DNM3: variants seen among roughly 807,000 people sequenced by gnomAD.
The protein encoded by DNM3 is dynamin 3, also known as dynamin-3.
DNM3 carries 47 observed loss-of-function variants against 101.6 expected under a neutral mutation model. The observed-to-expected ratio is 0.46, with a 90% CI of 0.37 to 0.59. The LOEUF (loss-of-function observed/expected upper bound fraction) is 0.59. Among genes scored for constraint, DNM3 ranks in the 20% least tolerant of loss-of-function variants. The pLI is 0.00. For missense variants in DNM3, 849 were observed against 1,085.7 expected, an observed-to-expected ratio of 0.78 and a Z score of 3.06; for synonymous variants, 385 against 387.9, an observed-to-expected ratio of 0.99 and a Z score of 0.09.
chr1:172,186,700 T>C (rs1260935909), intron 14 of DNM3, among the ~76,000 whole-genome samples: 4 of 152,118 alleles, frequency 2.6e-5, no homozygotes, highest in African/African-American at 9.7e-5. Context: ...CAATTGGTGA[T>C]AGAAAGTTTT....
chr1:171,930,805 C>T (rs1558283890), intron 2 of DNM3, among the ~76,000 whole-genome samples: 3 of 152,208 alleles, frequency 2.0e-5, no homozygotes, highest in Non-Finnish European at 2.9e-5. Flanking sequence ...CCCTTCTGTG[C>T]CTCTCCATGA....
At chr1:172,005,188 A>G (rs1453425704) in intron 4 of DNM3, among the ~76,000 whole-genome samples, 1 of 152,054 alleles carries the variant, frequency 6.6e-6, no homozygotes, top group East Asian at 1.9e-4. Flanking sequence ...GTAAAATGGA[A>G]TAATAATAAT....
intron 14 of DNM3, among the ~76,000 whole-genome samples, chr1:172,190,545 G>A (rs115996299): frequency 0.057 from 8,644 of 152,176 alleles, 317 homozygotes; most frequent in Middle Eastern, 0.12. Context: ...GGATGGCTGG[G>A]TCAAATGGTG....
chr1:171,955,873 T>G (rs2042819972), intron 2 of DNM3, among the ~76,000 whole-genome samples: 2 of 152,182 alleles, frequency 1.3e-5, no homozygotes, highest in Admixed American at 1.3e-4. Flanking sequence ...GTGAAAGTCA[T>G]GTCTTACGTG....
chr1:172,402,097 C>T (rs189400033), intron 20 of DNM3, among the ~76,000 whole-genome samples: 2 of 152,018 alleles, frequency 1.3e-5, no homozygotes, highest in East Asian at 1.9e-4. Context: ...CTGCAAGAGG[C>T]GTAGGAGTAA....
rs147651165 is a variant in DNM3, at chr1:171,846,651, C to G, written c.161+4834C>G. ...ATAGATTATTTTTTTCCTCTGCTAC[C>G]AGAGCCAAGTCAAGAGAGTCCCAAG... On this transcript the variant is annotated intron_variant, in intron 1 of 20. Coordinates refer to ENST00000627582, the MANE Select transcript of DNM3 (RefSeq NM_015569.5). Among the ~76,000 whole-genome samples, 547 of 152,204 alleles carry G rather than the reference C, an allele frequency of 3.6e-3. 2 individuals are homozygous for G. Among genetic ancestry groups the G allele is most frequent in the African/African-American group, 0.012 (516 of 41,522 alleles).
At position 172,389,647 on chromosome 1, in the gene DNM3, A is replaced by G. The variant is rs181529172; in HGVS notation, c.2522+838A>G. Among the ~76,000 whole-genome samples the G allele has an allele frequency of 2.5e-3, 380 of 152,338 alleles. 1 individual carries two copies. The highest frequency in any genetic ancestry group is 8.7e-3 in the African/African-American group (362 of 41,576). On this transcript the variant is annotated intron_variant, in intron 20 of 20. Coordinates refer to ENST00000627582, the MANE Select transcript of DNM3 (RefSeq NM_015569.5). The stretch of plus-strand genomic sequence containing the variant: ...GAGGAAAGAAAATTAGCCCATATAT[A>G]AAGTTAATTTTTAAAAAATTCAATT...
At chr1:172,387,453 C>G (rs1354507404) in intron 19 of DNM3, 94 bp downstream of exon 19, 2 of 989,000 alleles carry the variant, frequency 2.0e-6, no homozygotes, top group Non-Finnish European at 3.0e-6. Context: ...GTCAGGAGAT[C>G]GAGACCATCC....
At chr1:172,322,945 G>A (rs192496359) in intron 16 of DNM3, among the ~76,000 whole-genome samples, 8 of 152,098 alleles carry the variant, frequency 5.3e-5, no homozygotes, top group East Asian at 1.9e-4. Flanking sequence ...AGGGCAAGCC[G>A]GCACACAAAA....
chr1:172,136,349 C>T (rs899147417), intron 14 of DNM3, among the ~76,000 whole-genome samples: 1 of 152,116 alleles, frequency 6.6e-6, no homozygotes, highest in Non-Finnish European at 1.5e-5. Flanking sequence ...TAGAAATATT[C>T]AGCTCTCTTT....
intron 14 of DNM3, among the ~76,000 whole-genome samples, chr1:172,178,107 A>G (rs906531734): frequency 2.6e-5 from 4 of 151,914 alleles, no homozygotes; most frequent in Non-Finnish European, 5.9e-5. Flanking sequence ...ACTGTAGGCA[A>G]TTGTAACACT....
chr1:172,089,785 T>C (rs2053782607), intron 12 of DNM3, among the ~76,000 whole-genome samples: 1 of 152,248 alleles, frequency 6.6e-6, no homozygotes, highest in Non-Finnish European at 1.5e-5. Flanking sequence ...AGATGGAAAC[T>C]GTCAATGGAC....
Position 171,921,760 on chromosome 1 carries a change from T to C in DNM3, c.174T>C (p.Pro58=). 1 of 1,593,634 alleles carries C rather than the reference T, an allele frequency of 6.3e-7. No individual in the cohort carries two copies. The highest frequency in any genetic ancestry group is 1.3e-5 in the African/African-American group (1 of 74,854). The part of the protein sequence containing the change: ...LENFVGRDFL[P]RGSGIVTRRP... Reference sequence around the variant, plus strand: ...TTACTTTTTTTAGGGACTTTCTCCCTCGAGGGTCGGGCATTGTAACAAGAC... The same window carrying C: ...TTACTTTTTTTAGGGACTTTCTCCCCCGAGGGTCGGGCATTGTAACAAGAC... The change falls in exon 2 of 21, where the codon CCT becomes CCC. Residue 58 remains proline, a synonymous_variant. Coordinates refer to ENST00000627582, the MANE Select transcript of DNM3 (RefSeq NM_015569.5).
At chr1:172,080,951 T>C (rs1485679860) in intron 11 of DNM3, among the ~76,000 whole-genome samples, 1 of 152,192 alleles carries the variant, frequency 6.6e-6, no homozygotes, top group Non-Finnish European at 1.5e-5. Flanking sequence ...CTCCATGGGC[T>C]GCACCCACTG....
intron 17 of DNM3, among the ~76,000 whole-genome samples, chr1:172,334,487 C>CA (rs1371724633): frequency 6.6e-6 from 1 of 152,082 alleles, no homozygotes; most frequent in Non-Finnish European, 1.5e-5. Context: ...TCAATAGTGT[C>CA]AAAAATGATA....
intron 4 of DNM3, among the ~76,000 whole-genome samples, chr1:172,004,382 A>G (rs2046542212): frequency 6.6e-6 from 1 of 152,040 alleles, no homozygotes; most frequent in African/African-American, 2.4e-5. Flanking sequence ...TTGAAAAATT[A>G]TTGAATAGAA....
chr1:172,138,788 G>T (rs1033919861), intron 14 of DNM3: 1 of 405,574 alleles, frequency 2.5e-6, no homozygotes, highest in Admixed American at 3.2e-5. Flanking sequence ...TCAATGGCTG[G>T]TTGTCATTCA....
At chr1:171,880,556 A>G (rs910881088) in intron 1 of DNM3, among the ~76,000 whole-genome samples, 1 of 152,176 alleles carries the variant, frequency 6.6e-6, no homozygotes, top group African/African-American at 2.4e-5. Flanking sequence ...AGAGTCTATG[A>G]AGGTTAAATA....
intron 4 of DNM3, among the ~76,000 whole-genome samples, chr1:171,998,464 G>A (rs182904403): frequency 6.6e-6 from 1 of 152,190 alleles, no homozygotes; most frequent in East Asian, 1.9e-4. Flanking sequence ...TTTTAATGTG[G>A]CTACATTGCT....
Sources: gnomAD v4.1 joint callset for allele counts (sites outside exome capture counted in the v4.1 genomes callset) on GRCh38, gnomAD v4.1.1 for gene constraint, MANE v1.5 for transcripts, NCBI Gene and HGNC (gene_info 2026-07-23, HGNC 2026-07-21) for gene names.